Variants in BSN observed in about 807,000 individuals in gnomAD.
BSN encodes the protein protein bassoon.
Under a neutral mutation model 264.8 loss-of-function variants are expected in BSN, and 57 were observed. The ratio of observed to expected loss-of-function variants is 0.22; its 90% CI spans 0.17 to 0.27. The LOEUF (loss-of-function observed/expected upper bound fraction) is 0.27. BSN is among the 10% of genes least tolerant of loss of function. The pLI is 1.00. For synonymous variants in BSN, 2,059 were observed against 2,137.3 expected (o/e 0.96, Z 1.01); for missense variants, 4,615 against 5,232.5 (o/e 0.88, Z 3.64).
chr3:49,575,422 G>A (rs901458523), intron 1 of BSN, among the ~76,000 whole-genome samples: 3 of 146,952 alleles, frequency 2.0e-5, no homozygotes, highest in Non-Finnish European at 3.0e-5. Context: ...ATATATATAT[G>A]TGTATATATA....
intron 2 of BSN, among the ~76,000 whole-genome samples, chr3:49,636,071 T>G (rs1019531380): frequency 3.3e-5 from 5 of 152,206 alleles, no homozygotes; most frequent in African/African-American, 9.7e-5. Context: ...AAGGTTTCTC[T>G]TTTTTAGCTA....
chr3:49,614,921 T>A (rs2052247993), intron 1 of BSN, among the ~76,000 whole-genome samples: 1 of 152,230 alleles, frequency 6.6e-6, no homozygotes. Context: ...GGTTTACTTT[T>A]GTGGCATTTG....
chr3:49,624,064 G>A (rs949109389), intron 1 of BSN, among the ~76,000 whole-genome samples: 2 of 151,960 alleles, frequency 1.3e-5, no homozygotes, highest in Non-Finnish European at 2.9e-5. Context: ...GCAGTGGCAC[G>A]ATCTTGGCTC....
rs1553659712 is a variant in BSN, at chr3:49,587,927, CT to C, written c.224+33112del. Among the ~76,000 whole-genome samples the C allele has an allele frequency of 3.2e-3, 436 of 138,248 alleles. 4 individuals carry two copies. The highest frequency in any genetic ancestry group is 0.012 in the African/African-American group (408 of 33,438). 90.7% of individuals were successfully genotyped at this position (138,248 alleles called of 152,430 possible). On this transcript the variant is annotated intron_variant, in intron 1 of 11. Coordinates refer to ENST00000296452, the MANE Select transcript of BSN (RefSeq NM_003458.4). ...CTTTTCTTTTCTTTTCTTTTCTTTTCTTTTTTTTTTTGAGACAAGAGTCTCG... is the reference window on the plus strand; with the variant it reads ...CTTTTCTTTTCTTTTCTTTTCTTTTCTTTTTTTTTTGAGACAAGAGTCTCG...
At chr3:49,623,669 G>A (rs1367971696) in intron 1 of BSN, among the ~76,000 whole-genome samples, 3 of 152,202 alleles carry the variant, frequency 2.0e-5, no homozygotes, top group Non-Finnish European at 4.4e-5. Context: ...ATCCCATCTT[G>A]GTAGATTTGG....
At chr3:49,650,375 A>G (rs192919607) in intron 3 of BSN, among the ~76,000 whole-genome samples, 1 of 152,282 alleles carries the variant, frequency 6.6e-6, no homozygotes, top group East Asian at 1.9e-4. Context: ...GGTTAAGGAA[A>G]GTACTCTTCT....
rs1179485655 is a variant in BSN at position 49,657,165 on chromosome 3, G to A, written c.7609G>A (p.Asp2537Asn). The change falls in exon 5 of 12, where the codon GAC becomes AAC. Residue 2537 changes from aspartate to asparagine, a missense_variant. Asp to Asn is a conservative substitution (Grantham distance 23). Coordinates refer to ENST00000296452, the MANE Select transcript of BSN (RefSeq NM_003458.4). ...LHRGLPSSASDMSLQTEEQWE... is the reference protein window; with the variant it reads ...LHRGLPSSASNMSLQTEEQWE... The stretch of plus-strand genomic sequence containing the variant: ...CCGGGGTCTCCCCAGCTCTGCCTCA[G>A]ACATGTCACTGCAAACGGAGGAGCA... 1.2e-6 allele frequency: 2 copies of A among 1,613,350 alleles called. No individual in the cohort carries two copies. The highest frequency in any genetic ancestry group is 3.3e-5 in the Admixed American group (2 of 60,032).
intron 1 of BSN, among the ~76,000 whole-genome samples, chr3:49,561,244 G>C (rs553362760): frequency 6.6e-6 from 1 of 152,338 alleles, no homozygotes; most frequent in Non-Finnish European, 1.5e-5. Context: ...GATTTTCCCT[G>C]AGGGGAAATA....
At position 49,657,218 on chromosome 3, in the gene BSN, G is replaced by A. The variant is rs1359668274; in HGVS notation, c.7662G>A (p.Lys2554=). ...GGGAGGCCAGCCGTAGTGGCATCAAGAAGCGGCACTCCATGCCACGCCTGC... is the reference window on the plus strand; with the variant it reads ...GGGAGGCCAGCCGTAGTGGCATCAAAAAGCGGCACTCCATGCCACGCCTGC... The part of the protein sequence containing the change: ...EQWEASRSGI[K]KRHSMPRLRD... The change falls in exon 5 of 12, where the codon AAG becomes AAA. Residue 2554 remains lysine, a synonymous_variant. Transcript: ENST00000296452. 3 of 1,613,362 alleles carry A rather than the reference G, an allele frequency of 1.9e-6. 1 individual carries two copies. Among genetic ancestry groups the A allele is most frequent in the South Asian group, 2.2e-5 (2 of 91,094 alleles).
rs148490451 is a variant in BSN, at chr3:49,654,277, C to T, written c.4721C>T (p.Ala1574Val). 58 of 1,612,942 alleles carry T rather than the reference C, an allele frequency of 3.6e-5. 1 individual carries two copies. The African/African-American group carries it at 5.3e-4, about 15-fold the overall frequency. The change falls in exon 5 of 12, where the codon GCC becomes GTC. Residue 1574 changes from alanine (A) to valine (V), a missense_variant. Coordinates refer to ENST00000296452, the MANE Select transcript of BSN (RefSeq NM_003458.4). This position sits in a 1 kb window ranked among gnomAD's most constrained non-coding sequence, Gnocchi z 4.1. ...DASSQTRMVH[A>V]SASTSPLCSP... Reference sequence around the variant, plus strand: ...TCCAGCCAGACCAGGATGGTACATGCCAGTGCCTCCACCTCCCCGCTCTGC... The same window carrying T: ...TCCAGCCAGACCAGGATGGTACATGTCAGTGCCTCCACCTCCCCGCTCTGC...
intron 3 of BSN, among the ~76,000 whole-genome samples, chr3:49,649,881 C>T (rs1229092902): frequency 6.6e-6 from 1 of 152,222 alleles, no homozygotes; most frequent in East Asian, 1.9e-4. Context: ...GGGCCCCTGA[C>T]ACAAGGGCCA....
rs1575450519 is a variant in BSN, at chr3:49,657,192, T to G, written c.7636T>G (p.Trp2546Gly). The G allele has an allele frequency of 1.2e-6, 2 of 1,613,240 alleles. No individual in the cohort carries two copies. Among genetic ancestry groups the G allele is most frequent in the Non-Finnish European group, 1.7e-6 (2 of 1,180,018 alleles). Residue 2546 changes from tryptophan (W) to glycine (G), a missense_variant, in exon 5 of 12, where the codon TGG (tryptophan) becomes GGG (glycine). Around this residue, in one of 3 missense-constraint regions of BSN, gnomAD observed 3,415 missense variants for 3,866.4 expected, o/e 0.88. Transcript: ENST00000296452. The stretch of plus-strand genomic sequence containing the variant: ...CATGTCACTGCAAACGGAGGAGCAG[T>G]GGGAGGCCAGCCGTAGTGGCATCAA... ...SDMSLQTEEQ[W>G]EASRSGIKKR...
At chr3:49,659,481 G>A (rs1293478522) in intron 5 of BSN, among the ~76,000 whole-genome samples, 3 of 152,186 alleles carry the variant, frequency 2.0e-5, no homozygotes, top group African/African-American at 4.8e-5. Context: ...GTGGATGTAG[G>A]TGGGAGGTTT....
rs2052538362 is a variant in BSN at position 49,651,097 on chromosome 3, C to G, written c.1986+18C>G. ...AGGCGGAGGTCAGTCCCATTCACTTCCCAGAGACCCTAGCTTTCAGACAGG... is the reference window on the plus strand; with the variant it reads ...AGGCGGAGGTCAGTCCCATTCACTTGCCAGAGACCCTAGCTTTCAGACAGG... On this transcript the variant is annotated intron_variant, in intron 4 of 11. Transcript: ENST00000296452. This position sits in a 1 kb window ranked among gnomAD's most constrained non-coding sequence, Gnocchi z 5.4. The G allele has an allele frequency of 1.4e-5, 22 of 1,589,250 alleles. No homozygotes were observed. The highest frequency in any genetic ancestry group is 1.9e-5 in the Non-Finnish European group (22 of 1,172,838).
In BSN at chr3:49,625,151, G is replaced by A. The variant is rs750014015; in HGVS notation, c.401G>A (p.Arg134Lys). The A allele has an allele frequency of 1.3e-6, 2 of 1,584,606 alleles. No homozygotes were observed. Among genetic ancestry groups the A allele is most frequent in the African/African-American group, 2.7e-5 (2 of 73,478 alleles). The change falls in exon 2 of 12, where the codon AGG becomes AAG. Residue 134 changes from arginine (R) to lysine (K), a missense_variant. Transcript: ENST00000296452. This position sits in a 1 kb window ranked among gnomAD's most constrained non-coding sequence, Gnocchi z 4.4. ...GPRRTLQVDS[R>K]TQRSGRSPSV... ...CGCAGGACGCTGCAGGTAGACAGCA[G>A]GACACAGAGATCAGGGCGGTCCCCC...
At chr3:49,572,823 G>A (rs974856232) in intron 1 of BSN, among the ~76,000 whole-genome samples, 1 of 152,200 alleles carries the variant, frequency 6.6e-6, no homozygotes, top group Non-Finnish European at 1.5e-5. Flanking sequence ...ATGAGCCACC[G>A]CGCCCAGCCA....
In BSN at chr3:49,642,681, G is replaced by T; in HGVS notation, c.1047G>T (p.Lys349Asn). 6.2e-7 allele frequency: 1 copy of T among 1,611,952 alleles called. No homozygotes were observed. The change falls in exon 3 of 12, where the codon AAG (lysine) becomes AAT (asparagine). Residue 349 changes from lysine (K) to asparagine (N), a missense_variant. By Grantham distance (94) the Lys-to-Asn change is moderately conservative. Coordinates refer to ENST00000296452, the MANE Select transcript of BSN (RefSeq NM_003458.4). The surrounding 1 kb of genome is among the most constrained non-coding windows in gnomAD (Gnocchi z 7.0). ...AGACCCAGGAGGGCCTCACTGGTAA[G>T]CTCTTCGGCCTTGGCGCGTCACTGC... The part of the protein sequence containing the change: ...TEQTQEGLTG[K>N]LFGLGASLLT...
rs187864262 is a variant in BSN at position 49,609,913 on chromosome 3, C to T, written c.225-15062C>T. Among the ~76,000 whole-genome samples, 25 of 152,268 alleles carry T rather than the reference C, an allele frequency of 1.6e-4. No homozygotes were observed. In the East Asian group the frequency reaches 2.3e-3, roughly 14 times the overall value. ...GTTCTATGCCCAGTGTGCCAGCCAC[C>T]GCTACCACACAGAGCCTCTGCTTCT... On this transcript the variant is annotated intron_variant, in intron 1 of 11. Coordinates refer to ENST00000296452, the MANE Select transcript of BSN (RefSeq NM_003458.4).
Position 49,658,043 on chromosome 3 carries a change from G to A in BSN, c.8487G>A (p.Thr2829=), listed in dbSNP as rs748841699. The A allele has an allele frequency of 1.2e-5, 20 of 1,613,468 alleles. No homozygotes were observed. The South Asian group carries it at 1.8e-4, about 14-fold the overall frequency. ...KAHVSPQKHF[T]ADSALRQQTL... ...ACGTGAGTCCCCAGAAGCACTTCAC[G>A]GCTGACAGCGCTCTCCGCCAGCAGA... Residue 2829 remains threonine, a synonymous_variant, in exon 5 of 12, where the codon ACG becomes ACA. Coordinates refer to ENST00000296452, the MANE Select transcript of BSN (RefSeq NM_003458.4).
Sources: allele counts gnomAD v4.1 joint callset (sites outside exome capture counted in the v4.1 genomes callset), GRCh38; gene constraint gnomAD v4.1.1; regional missense constraint gnomAD v4.1.1; non-coding constraint Gnocchi (gnomAD v3.1); transcripts MANE v1.5; gene names NCBI Gene and HGNC (gene_info 2026-07-23, HGNC 2026-07-21).